ZCCHC2: variants seen among roughly 807,000 people sequenced by gnomAD.
ZCCHC2 encodes zinc finger CCHC-type containing 2.
In ZCCHC2, 39 loss-of-function variants were observed where a neutral mutation model predicts 103.6. That is an observed-to-expected ratio of 0.38 (90% CI 0.29 to 0.49). The LOEUF (loss-of-function observed/expected upper bound fraction) is 0.49, where lower values mean the gene tolerates loss of function less well. ZCCHC2 is among the 20% of genes least tolerant of loss of function. ZCCHC2 has a pLI of 0.96. For missense variants in ZCCHC2, 1,483 were observed against 1,491.0 expected, an observed-to-expected ratio of 0.99 and a Z score of 0.09; for synonymous variants, 687 against 608.9, an observed-to-expected ratio of 1.13 and a Z score of -1.89.
intron 1 of ZCCHC2, among the ~76,000 whole-genome samples, chr18:62,537,377 G>A (rs974139121): frequency 3.3e-5 from 5 of 151,966 alleles, no homozygotes; most frequent in African/African-American, 7.3e-5. Flanking sequence ...GTGCAGTGTC[G>A]CCCAGTCTGT....
Position 62,576,720 on chromosome 18 carries a change from A to C in ZCCHC2, c.*141A>C. 1.3e-6 allele frequency: 1 copy of C among 752,366 alleles called. No homozygotes were observed. 46.6% of individuals were successfully genotyped at this position (752,366 alleles called of 1,614,324 possible). On this transcript the variant is annotated 3_prime_UTR_variant, in exon 14 of 14. Transcript: ENST00000269499. ...AGTTGGGATTTTTCATTTCTCTTGTACCAATGTCCAAAACAAGAAAGAATG... is the reference window on the plus strand; with the variant it reads ...AGTTGGGATTTTTCATTTCTCTTGTCCCAATGTCCAAAACAAGAAAGAATG...
At position 62,574,148 on chromosome 18, in the gene ZCCHC2, A is replaced by C. The variant is rs759828843; in HGVS notation, c.2067A>C (p.Pro689=). 6.2e-7 allele frequency: 1 copy of C among 1,614,040 alleles called. No homozygotes were observed. The highest frequency in any genetic ancestry group is 8.5e-7 in the Non-Finnish European group (1 of 1,179,894). Residue 689 remains proline, a synonymous_variant, in exon 13 of 14, where the codon CCA becomes CCC. Coordinates refer to ENST00000269499, the MANE Select transcript of ZCCHC2 (RefSeq NM_017742.6). The part of the protein sequence containing the change: ...GSVNQTVTVK[P]PVQIASLGNE... ...TCAACCAGACTGTCACTGTCAAGCC[A>C]CCTGTTCAAATTGCTTCACTAGGAA...
chr18:62,559,186 A>G (rs988628637), intron 7 of ZCCHC2, among the ~76,000 whole-genome samples: 4 of 152,224 alleles, frequency 2.6e-5, no homozygotes, highest in African/African-American at 9.6e-5. Context: ...AATAAATTAG[A>G]GCTTCTCTGT....
At chr18:62,566,138 G>A (rs560648679) in intron 11 of ZCCHC2, among the ~76,000 whole-genome samples, 1 of 152,248 alleles carries the variant, frequency 6.6e-6, no homozygotes, top group South Asian at 2.1e-4. Context: ...TCAGCTACTC[G>A]GGAGGCTAAG....
In ZCCHC2 at chr18:62,564,455, TCAA is replaced by T. The variant is rs1176658181; in HGVS notation, c.1687-113_1687-111del. On this transcript the variant is annotated intron_variant, in intron 9 of 13. Transcript: ENST00000269499. ...GGAAACTTCAAAAATAGGTTGGAAA[TCAA>T]CACTTGTTAGAATATACAACTGGGA... The T allele has an allele frequency of 1.2e-5, 9 of 725,350 alleles. No individual in the cohort carries two copies. The East Asian group carries it at 2.5e-4, about 20-fold the overall frequency. 44.9% of individuals were successfully genotyped at this position (725,350 alleles called of 1,614,324 possible). A position where few individuals can be genotyped will look rare whatever the true frequency, so the allele number is the denominator to read the frequency against.
intron 12 of ZCCHC2, among the ~76,000 whole-genome samples, chr18:62,572,278 C>T (rs949961628): frequency 2.6e-5 from 4 of 152,152 alleles, no homozygotes; most frequent in African/African-American, 9.7e-5. Flanking sequence ...TTTCATTGTA[C>T]ATTTATGCTT....
chr18:62,550,204 A>G (rs1915603514), intron 4 of ZCCHC2, 144 bp from the exon 5 acceptor site: 2 of 626,782 alleles, frequency 3.2e-6, no homozygotes, highest in Non-Finnish European at 5.6e-6. Flanking sequence ...ATGGGGTCAG[A>G]TGTTGTGAAG....
In ZCCHC2 at chr18:62,523,564, C is replaced by CGCA; in HGVS notation, c.142_143insAGC (p.Pro47_Pro48insGln). On this transcript the variant is annotated inframe_insertion, in exon 1 of 14. Transcript: ENST00000269499. The stretch of plus-strand genomic sequence containing the variant: ...CGCGACTGCCGCCCCCCGCCGCCGC[C>CGCA]GCCGCCGCCCGCGGGCCCGTCGCGG... 1.0e-6 allele frequency: 1 copy of CGCA among 959,544 alleles called. No individual in the cohort carries two copies. The highest frequency in any genetic ancestry group is 1.2e-6 in the Non-Finnish European group (1 of 810,132). The allele number at this position is 959,544 out of a possible 1,614,324, so 59.4% of individuals were successfully genotyped here.
intron 12 of ZCCHC2, among the ~76,000 whole-genome samples, chr18:62,572,643 C>T (rs551920794): frequency 4.6e-5 from 7 of 152,102 alleles, no homozygotes; most frequent in Admixed American, 1.3e-4. Flanking sequence ...TTTACACTTA[C>T]CGAAATCAGT....
At chr18:62,545,173 G>A (rs1336908326) in intron 4 of ZCCHC2, among the ~76,000 whole-genome samples, 1 of 152,072 alleles carries the variant, frequency 6.6e-6, no homozygotes, top group Admixed American at 6.6e-5. Flanking sequence ...ATCATGTGAG[G>A]CAGGATTTCC....
At chr18:62,542,163 T>A (rs1461695408) in intron 2 of ZCCHC2, among the ~76,000 whole-genome samples, 2 of 152,214 alleles carry the variant, frequency 1.3e-5, no homozygotes, top group Non-Finnish European at 2.9e-5. Context: ...AATAACAAGT[T>A]GGAAGATTAT....
At position 62,575,402 on chromosome 18, in the gene ZCCHC2, C is replaced by A; in HGVS notation, c.3321C>A (p.Phe1107Leu). 1 of 1,613,988 alleles carries A rather than the reference C, an allele frequency of 6.2e-7. No individual in the cohort carries two copies. Among genetic ancestry groups the A allele is most frequent in the African/African-American group, 1.3e-5 (1 of 75,042 alleles). The stretch of plus-strand genomic sequence containing the variant: ...AGCAGATGGCAGGATTTGGGAGATT[C>A]TATCCTGTATATCCAGCACCTAACG... ...GMQQMAGFGR[F>L]YPVYPAPNVV... Residue 1107 changes from phenylalanine (F) to leucine (L), a missense_variant, in exon 13 of 14, where the codon TTC (phenylalanine) becomes TTA (leucine). Transcript: ENST00000269499.
Position 62,523,928 on chromosome 18 carries a change from G to C in ZCCHC2, c.504G>C (p.Ala168=), listed in dbSNP as rs898525747. The C allele has an allele frequency of 5.6e-5, 85 of 1,530,466 alleles. 1 individual carries two copies. The East Asian group carries it at 2.1e-3, about 37-fold the overall frequency. 94.8% of individuals were successfully genotyped at this position (1,530,466 alleles called of 1,614,324 possible). ...PGPLADFREP[A]VRSRLIVYLA... ...CGCTGGCCGACTTCCGAGAGCCCGC[G>C]GTGCGCTCGCGCCTCATCGTCTACC... The change falls in exon 1 of 14, where the codon GCG becomes GCC. Residue 168 remains alanine (A), a synonymous_variant. Transcript: ENST00000269499.
At position 62,523,845 on chromosome 18, in the gene ZCCHC2, G is replaced by A; in HGVS notation, c.421G>A (p.Asp141Asn). 6.5e-7 allele frequency: 1 copy of A among 1,545,072 alleles called. No individual in the cohort carries two copies. Among genetic ancestry groups the A allele is most frequent in the Non-Finnish European group, 8.7e-7 (1 of 1,146,348 alleles). The change falls in exon 1 of 14, where the codon GAC becomes AAC. Residue 141 changes from aspartate to asparagine, a missense_variant. Physicochemically the swap from Asp to Asn is conservative, Grantham distance 23 (BLOSUM62 1). This residue lies in a region of ZCCHC2 where 568 missense variants were observed against 525.1 expected (regional missense o/e 1.08). Coordinates refer to ENST00000269499, the MANE Select transcript of ZCCHC2 (RefSeq NM_017742.6). ...GSCLEDLARK[D>N]YHYLRDSEAK... ...GTGCCTGGAGGACCTGGCGCGCAAGGACTACCACTACCTGCGCGACTCGGA... is the reference window on the plus strand; with the variant it reads ...GTGCCTGGAGGACCTGGCGCGCAAGAACTACCACTACCTGCGCGACTCGGA...
At chr18:62,543,713 C>G (rs372347864) in intron 3 of ZCCHC2, among the ~76,000 whole-genome samples, 1 of 152,140 alleles carries the variant, frequency 6.6e-6, no homozygotes, top group Non-Finnish European at 1.5e-5. Flanking sequence ...TGCATCTCTC[C>G]GTTCTTGTAC....
chr18:62,530,156 TTAA>T (rs1330045513), intron 1 of ZCCHC2, among the ~76,000 whole-genome samples: 5 of 152,186 alleles, frequency 3.3e-5, no homozygotes, highest in African/African-American at 1.2e-4. Flanking sequence ...ACATGTTGCC[TTAA>T]TAATTTTTTT....
At chr18:62,551,771 G>T (rs1915674994) in intron 5 of ZCCHC2, 1 of 152,958 alleles carries the variant, frequency 6.5e-6, no homozygotes, top group Admixed American at 6.5e-5. Flanking sequence ...AAGGAAACAT[G>T]CTGTTTTACT....
At position 62,524,261 on chromosome 18, in the gene ZCCHC2, C is replaced by A; in HGVS notation, c.837C>A (p.Thr279=). The change falls in exon 1 of 14, where the codon ACC becomes ACA. Residue 279 remains threonine (T), a synonymous_variant. Coordinates refer to ENST00000269499, the MANE Select transcript of ZCCHC2 (RefSeq NM_017742.6). ...HPAFSFHQRV[T]LREHLERLRA... ...CTTTCTCCTTCCACCAGCGGGTCAC[C>A]CTGAGGGAACACTTGGAGAGGCTCC... The A allele has an allele frequency of 1.9e-6, 3 of 1,550,112 alleles. No individual in the cohort carries two copies. Among genetic ancestry groups the A allele is most frequent in the African/African-American group, 1.4e-5 (1 of 73,092 alleles).
At chr18:62,550,264 T>G (rs1915605317) in intron 4 of ZCCHC2, 84 bp from the exon 5 acceptor site, 1 of 1,002,432 alleles carries the variant, frequency 1.0e-6, no homozygotes, top group African/African-American at 1.6e-5. Flanking sequence ...GAGGCATTAA[T>G]CTTCATTTTA....
Sources: gnomAD v4.1 joint callset for allele counts (sites outside exome capture counted in the v4.1 genomes callset) on GRCh38, gnomAD v4.1.1 for gene constraint, gnomAD v4.1.1 regional missense constraint, MANE v1.5 for transcripts, NCBI Gene and HGNC (gene_info 2026-07-23, HGNC 2026-07-21) for gene names.